RFX4: variants seen among roughly 807,000 people sequenced by gnomAD.
The protein encoded by RFX4 is regulatory factor X4.
A neutral mutation model predicts 95.0 loss-of-function variants in RFX4; 10 were observed. The ratio of observed to expected loss-of-function variants is 0.11; its 90% confidence interval spans 0.06 to 0.18. RFX4 has a LOEUF of 0.18. RFX4 is among the 10% of genes least tolerant of loss of function. The pLI is 1.00. For missense variants in RFX4, 640 were observed against 922.0 expected (o/e 0.69, Z 3.96); for synonymous variants, 321 against 340.7 (o/e 0.94, Z 0.64).
chr12:106,608,794 TAGAGAGCTGGA>T lies in RFX4; in HGVS notation c.44-2_52del. ...TTTCTTTCTTTCTTTTTTTTTTTTT[TAGAGAGCTGGA>T]TTGAAAGATGTCTCAACGAAAGTGA... On this transcript the variant is annotated splice_acceptor_variant and coding_sequence_variant, in exon 2 of 18. Transcript: ENST00000392842. LOFTEE classifies it high-confidence loss of function. 6.4e-7 allele frequency: 1 copy of T among 1,559,032 alleles called. No individual in the cohort carries two copies. The highest frequency in any genetic ancestry group is 8.6e-7 in the Non-Finnish European group (1 of 1,158,746).
In RFX4 at chr12:106,686,032, T is replaced by G. The variant is rs1415915380; in HGVS notation, c.378-852T>G. Among the ~76,000 whole-genome samples, 3 of 152,232 alleles carry G rather than the reference T, an allele frequency of 2.0e-5. No homozygotes were observed. In the East Asian group the frequency reaches 5.8e-4, roughly 29 times the overall value. ...TTGAGTTAATAAAAAGTTCTGGTCT[T>G]CGCTTTACATTCAGTGTCAACTGAA... is the stretch of plus-strand genomic sequence containing the variant. On this transcript the variant is annotated intron_variant, in intron 5 of 17. Coordinates refer to ENST00000392842, the MANE Select transcript of RFX4 (RefSeq NM_213594.3).
chr12:106,583,438 G>T, intron 1 of RFX4, 75 bp downstream of exon 1: 1 of 1,426,148 alleles, frequency 7.0e-7, no homozygotes. Context: ...TTAGAAAGAA[G>T]TTGGGAAAAG....
chr12:106,601,398 G>T, intron 1 of RFX4: 1 of 1,525,088 alleles, frequency 6.6e-7, no homozygotes, highest in Non-Finnish European at 8.9e-7. Flanking sequence ...GGCACCCTCA[G>T]GGGGAACTGG....
chr12:106,714,675 A>C (rs866851754), intron 10 of RFX4, among the ~76,000 whole-genome samples: 1 of 152,108 alleles, frequency 6.6e-6, no homozygotes, highest in African/African-American at 2.4e-5. Context: ...TATTGTTCCA[A>C]CTTGCAAATT....
chr12:106,632,656 T>A (rs1290531211), intron 2 of RFX4, among the ~76,000 whole-genome samples: 2 of 152,148 alleles, frequency 1.3e-5, no homozygotes, highest in Non-Finnish European at 2.9e-5. Context: ...ATTTTAAAGT[T>A]TGGGGTTTCT....
At chr12:106,660,863 C>T (rs1307180202) in intron 4 of RFX4, among the ~76,000 whole-genome samples, 5 of 152,098 alleles carry the variant, frequency 3.3e-5, no homozygotes, top group African/African-American at 4.8e-5. Context: ...GTTGTGTTTT[C>T]CTTATGAAAA....
At chr12:106,626,931 A>G (rs967690117) in intron 2 of RFX4, among the ~76,000 whole-genome samples, 2 of 152,154 alleles carry the variant, frequency 1.3e-5, no homozygotes, top group Non-Finnish European at 1.5e-5. Flanking sequence ...TCCACGAGGT[A>G]TCAGACACAC....
intron 2 of RFX4, among the ~76,000 whole-genome samples, chr12:106,618,067 G>T (rs1245849374): frequency 6.6e-6 from 1 of 152,076 alleles, no homozygotes; most frequent in Non-Finnish European, 1.5e-5. Flanking sequence ...GTCTATTTTG[G>T]TTAATGCCCA....
intron 1 of RFX4, among the ~76,000 whole-genome samples, chr12:106,588,827 C>T (rs79647939): frequency 0.025 from 3,818 of 152,280 alleles, 156 homozygotes; most frequent in African/African-American, 0.086. Flanking sequence ...ACTCCATGAG[C>T]GTGGCATTAT....
At chr12:106,661,717 G>T (rs2041077437) in intron 4 of RFX4, among the ~76,000 whole-genome samples, 1 of 152,154 alleles carries the variant, frequency 6.6e-6, no homozygotes, top group South Asian at 2.1e-4. Context: ...TCTCTGCCTA[G>T]TCCTCTCTCC....
rs1429081346 is a variant in RFX4, at chr12:106,761,212, C to T, written c.1951C>T (p.Pro651Ser). 9 of 1,612,118 alleles carry T rather than the reference C, an allele frequency of 5.6e-6. No individual in the cohort carries two copies. The East Asian group carries it at 6.7e-5, about 12-fold the overall frequency. ...CCTCAACAAGTACCCTTTTAATAGC[C>T]CCACTTCCCGGATGGAACCTTGTTT... ...RSSAQYPFNS[P>S]TSRMEPCLMS... The change falls in exon 18 of 18, where the codon CCC (proline) becomes TCC (serine). Residue 651 changes from proline to serine, a missense_variant. This residue lies in a region of RFX4 where 300 missense variants were observed against 346.8 expected (regional missense o/e 0.87). Coordinates refer to ENST00000392842, the MANE Select transcript of RFX4 (RefSeq NM_213594.3).
intron 5 of RFX4, chr12:106,683,139 TTTAAGAC>T (rs2041556072): frequency 6.6e-6 from 1 of 152,202 alleles, no homozygotes. Context: ...ATATAGGACT[TTTAAGAC>T]TTGTCTTGAA....
rs773269907 is a variant in RFX4 at position 106,711,433 on chromosome 12, T to C, written c.935-20T>C. 3.1e-6 allele frequency: 5 copies of C among 1,609,210 alleles called. No individual in the cohort carries two copies. The South Asian group carries it at 4.4e-5, about 14-fold the overall frequency. On this transcript the variant is annotated intron_variant, in intron 9 of 17. Transcript: ENST00000392842. ...CATAAAGCATGCAAATATTTCAAAC[T>C]AATTCTTTTCTCCTTGCAGTGTCGA...
rs2042917854 is a variant in RFX4 at position 106,747,536 on chromosome 12, C to T, written c.1733C>T (p.Thr578Ile). The T allele has an allele frequency of 6.2e-7, 1 of 1,614,164 alleles. No individual in the cohort carries two copies. Among genetic ancestry groups the T allele is most frequent in the African/African-American group, 1.3e-5 (1 of 75,040 alleles). The change falls in exon 16 of 18, where the codon ACT (threonine) becomes ATT (isoleucine). Residue 578 changes from threonine (T) to isoleucine (I), a missense_variant. Transcript: ENST00000392842. ...NSQQLPCMRN[T>I]HVPSSSVTHR... ...CAACAGCTGCCCTGTATGAGGAACA[C>T]TCATGTGCCTTCTTCCTCCGTCACA...
intron 1 of RFX4, among the ~76,000 whole-genome samples, chr12:106,606,714 C>G (rs1255291324): frequency 6.6e-6 from 1 of 152,098 alleles, no homozygotes; most frequent in Non-Finnish European, 1.5e-5. Context: ...GGCCCTTGTT[C>G]TTCCCCTCAG....
intron 2 of RFX4, among the ~76,000 whole-genome samples, chr12:106,616,274 A>G (rs763447470): frequency 2.0e-5 from 3 of 152,170 alleles, no homozygotes; most frequent in Non-Finnish European, 1.5e-5. Flanking sequence ...TGAATTTTGA[A>G]TGTTAAGCCA....
chr12:106,633,196 G>A (rs554538869), intron 2 of RFX4, among the ~76,000 whole-genome samples: 1 of 152,206 alleles, frequency 6.6e-6, no homozygotes, highest in Admixed American at 6.5e-5. Flanking sequence ...GCCAGCAGAG[G>A]TGGACAGCAC....
intron 13 of RFX4, among the ~76,000 whole-genome samples, chr12:106,729,349 A>G (rs1257400917): frequency 6.6e-6 from 1 of 152,226 alleles, no homozygotes; most frequent in African/African-American, 2.4e-5. Flanking sequence ...CAATCATGTC[A>G]TGAGATCTTA....
intron 8 of RFX4, among the ~76,000 whole-genome samples, chr12:106,700,995 T>C (rs2137465536): frequency 1.3e-5 from 2 of 152,292 alleles, no homozygotes; most frequent in East Asian, 3.9e-4. Flanking sequence ...AACTCATCGG[T>C]GTAATATATG....
Sources: allele counts gnomAD v4.1 joint callset (sites outside exome capture counted in the v4.1 genomes callset), GRCh38; gene constraint gnomAD v4.1.1; regional missense constraint gnomAD v4.1.1; transcripts MANE v1.5; gene names NCBI Gene and HGNC (gene_info 2026-07-23, HGNC 2026-07-21).